Variants in PPP1R9A observed in about 807,000 individuals in gnomAD.
PPP1R9A encodes the protein neurabin-1.
PPP1R9A carries 59 observed loss-of-function variants against 141.9 expected under a neutral mutation model. That is an observed-to-expected ratio of 0.42 (90% confidence interval 0.34 to 0.52). The LOEUF (loss-of-function observed/expected upper bound fraction) is 0.52. Among genes scored for constraint, PPP1R9A ranks in the 20% least tolerant of loss-of-function variants. PPP1R9A has a pLI of 0.10. For missense variants in PPP1R9A, 1,444 were observed against 1,611.9 expected, an observed-to-expected ratio of 0.90 and a Z score of 1.78; for synonymous variants, 500 against 569.7, an observed-to-expected ratio of 0.88 and a Z score of 1.74.
intron 2 of PPP1R9A, among the ~76,000 whole-genome samples, chr7:95,066,499 C>T: frequency 6.6e-6 from 1 of 151,950 alleles, no homozygotes; most frequent in Non-Finnish European, 1.5e-5. Flanking sequence ...GAGAAGTAAA[C>T]TTTAAAAATA....
In PPP1R9A at chr7:94,910,093, C is replaced by T. The variant is rs1294555709; in HGVS notation, c.-21C>T. 1 of 1,578,850 alleles carries T rather than the reference C, an allele frequency of 6.3e-7. No individual in the cohort carries two copies. The highest frequency in any genetic ancestry group is 8.6e-7 in the Non-Finnish European group (1 of 1,164,178). ...TTTCTTTGATCATTATGAACATTGG[C>T]TTTTCACCCCTGAAGTGAAAATGTT... On this transcript the variant is annotated 5_prime_UTR_variant, in exon 2 of 20. Transcript: ENST00000433360. This position sits in a 1 kb window ranked among gnomAD's most constrained non-coding sequence, Gnocchi z 4.5.
At chr7:95,057,759 A>G (rs938452516) in intron 2 of PPP1R9A, among the ~76,000 whole-genome samples, 1 of 152,144 alleles carries the variant, frequency 6.6e-6, no homozygotes, top group Non-Finnish European at 1.5e-5. Flanking sequence ...TCAGTGTGAT[A>G]GAATCCACTT....
At chr7:95,061,023 A>G (rs537393355) in intron 2 of PPP1R9A, among the ~76,000 whole-genome samples, 3 of 152,306 alleles carry the variant, frequency 2.0e-5, no homozygotes, top group South Asian at 2.1e-4. Flanking sequence ...TGTGATATGG[A>G]CTGTTGGTGG....
chr7:95,051,791 A>G (rs988983518), intron 2 of PPP1R9A, among the ~76,000 whole-genome samples: 1 of 151,520 alleles, frequency 6.6e-6, no homozygotes, highest in Non-Finnish European at 1.5e-5. Context: ...GACCATCACT[A>G]TTTATTGAAC....
intron 8 of PPP1R9A, among the ~76,000 whole-genome samples, chr7:95,244,010 T>C (rs1228694645): frequency 6.6e-6 from 1 of 152,158 alleles, no homozygotes; most frequent in Non-Finnish European, 1.5e-5. Flanking sequence ...TTGTCAAAAG[T>C]GATGGATTTG....
intron 2 of PPP1R9A, among the ~76,000 whole-genome samples, chr7:94,928,711 T>C (rs1793781101): frequency 6.6e-6 from 1 of 152,178 alleles, no homozygotes; most frequent in Non-Finnish European, 1.5e-5. Context: ...TGTAAATTGA[T>C]AAAACATGAG....
chr7:95,000,189 A>T lies in PPP1R9A; in HGVS notation c.1395+88681A>T, dbSNP rs952188095. On this transcript the variant is annotated intron_variant, in intron 2 of 19. Coordinates refer to ENST00000433360, the MANE Select transcript of PPP1R9A (RefSeq NM_001166160.2). ...TGCGGCAAAATTTTTCATACCCATC[A>T]TTGTGTCCTAAACACTCAAAATAAT... Among the ~76,000 whole-genome samples, 6 of 152,242 alleles carry T rather than the reference A, an allele frequency of 3.9e-5. No individual in the cohort carries two copies. In the South Asian group the frequency reaches 1.2e-3, roughly 32 times the overall value.
intron 2 of PPP1R9A, among the ~76,000 whole-genome samples, chr7:94,932,144 G>A (rs995392453): frequency 6.6e-6 from 1 of 152,164 alleles, no homozygotes; most frequent in African/African-American, 2.4e-5. Context: ...CCACCTTAGG[G>A]GTGGTCAGAA....
Position 95,238,885 on chromosome 7 carries a change from G to A in PPP1R9A, c.2113-8588G>A, listed in dbSNP as rs144934912. The stretch of plus-strand genomic sequence containing the variant: ...GCCTTTGGCCACATCTCGTTTCAAC[G>A]TGCATTCTTCTCATTTTCATCACTT... On this transcript the variant is annotated intron_variant, in intron 8 of 19. Transcript: ENST00000433360. 3.3e-5 allele frequency among the ~76,000 whole-genome samples: 5 copies of A among 152,084 alleles called. No homozygotes were observed. In the East Asian group the frequency reaches 9.6e-4, roughly 29 times the overall value.
chr7:95,193,999 T>C (rs1269230494), intron 5 of PPP1R9A, among the ~76,000 whole-genome samples: 3 of 152,070 alleles, frequency 2.0e-5, no homozygotes, highest in African/African-American at 7.2e-5. Context: ...ACCTTTTACC[T>C]TGAGCTTGGC....
intron 2 of PPP1R9A, among the ~76,000 whole-genome samples, chr7:94,924,755 C>T (rs923297676): frequency 6.6e-6 from 1 of 152,114 alleles, no homozygotes; most frequent in Admixed American, 6.6e-5. Context: ...GTCTCAAACT[C>T]CTGACCTCAG....
chr7:95,104,217 C>T (rs1389991040), intron 2 of PPP1R9A, among the ~76,000 whole-genome samples: 2 of 152,180 alleles, frequency 1.3e-5, no homozygotes, highest in Admixed American at 6.5e-5. Context: ...GAGTAATAAC[C>T]TAACTAGTAC....
At chr7:94,912,909 C>T (rs2150605485) in intron 2 of PPP1R9A, among the ~76,000 whole-genome samples, 1 of 152,246 alleles carries the variant, frequency 6.6e-6, no homozygotes, top group Non-Finnish European at 1.5e-5. Flanking sequence ...CTCCCCAACC[C>T]CCACTGCCCT....
At position 95,212,349 on chromosome 7, in the gene PPP1R9A, C is replaced by A. The variant is rs116340745; in HGVS notation, c.1956+8619C>A. On this transcript the variant is annotated intron_variant, in intron 7 of 19. Transcript: ENST00000433360. ...CTTAAAAATAAAGAAAAAATGAAATCTTTTCTTTAGGATATTTTAAAGAAT... is the reference window on the plus strand; with the variant it reads ...CTTAAAAATAAAGAAAAAATGAAATATTTTCTTTAGGATATTTTAAAGAAT... 7.0e-3 allele frequency among the ~76,000 whole-genome samples: 1,065 copies of A among 151,850 alleles called. 20 individuals carry two copies. Among genetic ancestry groups the A allele is most frequent in the African/African-American group, 0.024 (1,001 of 41,446 alleles).
At chr7:94,968,333 C>T (rs920453101) in intron 2 of PPP1R9A, among the ~76,000 whole-genome samples, 4 of 152,016 alleles carry the variant, frequency 2.6e-5, no homozygotes, top group East Asian at 3.9e-4. Context: ...CCACTACGCC[C>T]GGCTAATTTT....
At chr7:95,250,756 C>T (rs1046699601) in intron 10 of PPP1R9A, among the ~76,000 whole-genome samples, 9 of 152,170 alleles carry the variant, frequency 5.9e-5, no homozygotes, top group Admixed American at 5.2e-4. Flanking sequence ...CTGCATTTCT[C>T]AGCTGTTGAG....
intron 3 of PPP1R9A, among the ~76,000 whole-genome samples, chr7:95,112,756 AT>A (rs1289918905): frequency 6.6e-6 from 1 of 152,180 alleles, no homozygotes; most frequent in Non-Finnish European, 1.5e-5. Context: ...AAAGAATGAA[AT>A]CATGTCTTTT....
chr7:95,216,388 G>A lies in PPP1R9A; in HGVS notation c.1957-9573G>A, dbSNP rs142571549. Among the ~76,000 whole-genome samples the A allele has an allele frequency of 9.2e-3, 1,400 of 152,308 alleles. 20 individuals carry two copies. Among genetic ancestry groups the A allele is most frequent in the African/African-American group, 0.032 (1,348 of 41,558 alleles). Reference sequence around the variant, plus strand: ...CTGTAGCCTTGTAGTATAGTTTGAAGTCAGGTAGCATGATGCCTCCAGCTT... The same window carrying A: ...CTGTAGCCTTGTAGTATAGTTTGAAATCAGGTAGCATGATGCCTCCAGCTT... On this transcript the variant is annotated intron_variant, in intron 7 of 19. Transcript: ENST00000433360.
intron 5 of PPP1R9A, among the ~76,000 whole-genome samples, chr7:95,167,092 T>G (rs1169981652): frequency 2.0e-5 from 3 of 152,138 alleles, no homozygotes; most frequent in African/African-American, 4.8e-5. Context: ...TTTAGTCAAC[T>G]TACAGTTCCA....
Sources: allele counts gnomAD v4.1 joint callset (sites outside exome capture counted in the v4.1 genomes callset), GRCh38; gene constraint gnomAD v4.1.1; non-coding constraint Gnocchi (gnomAD v3.1); transcripts MANE v1.5; gene names NCBI Gene and HGNC (gene_info 2026-07-23, HGNC 2026-07-21).